Variants in TUBA1C observed in about 807,000 individuals in gnomAD.
TUBA1C encodes tubulin alpha 1c.
Under a neutral mutation model 34.9 loss-of-function variants are expected in TUBA1C, and 16 were observed. The observed-to-expected ratio is 0.46, with a 90% CI of 0.31 to 0.70. The LOEUF (loss-of-function observed/expected upper bound fraction) is 0.70, where lower values mean the gene tolerates loss of function less well. Ranked by LOEUF, TUBA1C falls within the 30% of genes least tolerant of loss-of-function variation. The pLI, the probability that TUBA1C is intolerant of heterozygous loss-of-function variation, is 0.05. For missense variants in TUBA1C, 329 were observed against 587.3 expected (o/e 0.56, Z 4.55); for synonymous variants, 177 against 215.9 (o/e 0.82, Z 1.58).
intron 1 of TUBA1C, among the ~76,000 whole-genome samples, chr12:49,250,013 C>T (rs1217801233): frequency 6.6e-6 from 1 of 150,738 alleles, no homozygotes; most frequent in African/African-American, 2.4e-5. Flanking sequence ...CCTGGCCCAA[C>T]GTGGTGAAAC....
intron 1 of TUBA1C, among the ~76,000 whole-genome samples, chr12:49,248,465 G>A (rs570031560): frequency 3.3e-5 from 5 of 151,674 alleles, no homozygotes; most frequent in African/African-American, 1.2e-4. Context: ...CTACTCAGGA[G>A]GCTGAGGCAG....
At chr12:49,252,763 A>T (rs1942743780) in intron 1 of TUBA1C, among the ~76,000 whole-genome samples, 1 of 151,990 alleles carries the variant, frequency 6.6e-6, no homozygotes, top group East Asian at 1.9e-4. Context: ...AATACAAAAG[A>T]TTAGCCAGGC....
chr12:49,236,984 C>T (rs1342708759), intron 1 of TUBA1C, among the ~76,000 whole-genome samples: 1 of 152,136 alleles, frequency 6.6e-6, no homozygotes, highest in Non-Finnish European at 1.5e-5. Flanking sequence ...ATAAGGACAT[C>T]CTTTGGTACT....
chr12:49,271,797 A>G (rs1414280782), intron 3 of TUBA1C, among the ~76,000 whole-genome samples: 2 of 152,194 alleles, frequency 1.3e-5, no homozygotes, highest in African/African-American at 2.4e-5. Flanking sequence ...GGCCACAGCA[A>G]GAGAACCAGA....
At chr12:49,268,754 T>G (rs556477992) in intron 1 of TUBA1C, among the ~76,000 whole-genome samples, 6 of 152,340 alleles carry the variant, frequency 3.9e-5, no homozygotes, top group African/African-American at 1.4e-4. Flanking sequence ...TGGCTATAGT[T>G]TGCTGGTTTA....
chr12:49,252,781 C>T (rs918918381), intron 1 of TUBA1C, among the ~76,000 whole-genome samples: 1 of 152,078 alleles, frequency 6.6e-6, no homozygotes, highest in African/African-American at 2.4e-5. Context: ...GGCATGGTGG[C>T]GGGCGCCTGT....
Position 49,269,590 on chromosome 12 carries a change from GGGA to G in TUBA1C, c.134_136del (p.Gly45del). On this transcript the variant is annotated inframe_deletion, in exon 2 of 4. Coordinates refer to ENST00000301072, the MANE Select transcript of TUBA1C (RefSeq NM_032704.5). ...AGATGCCAAGTGACAAGACCATTGG[GGGA>G]GGAGATGATTCCTTCAACACCTTCT... is the stretch of plus-strand genomic sequence containing the variant. 1.9e-6 allele frequency: 3 copies of G among 1,614,210 alleles called. No individual in the cohort carries two copies. Among genetic ancestry groups the G allele is most frequent in the South Asian group, 2.2e-5 (2 of 91,080 alleles).
chr12:49,260,252 G>A (rs1942828795), upstream of TUBA1C, among the ~76,000 whole-genome samples: 1 of 152,196 alleles, frequency 6.6e-6, no homozygotes, highest in Non-Finnish European at 1.5e-5. Context: ...AAGAGCTTGA[G>A]TAAGAAGTCT....
intron 1 of TUBA1C, chr12:49,232,913 G>T (rs1404309557): frequency 6.6e-6 from 1 of 152,152 alleles, no homozygotes; most frequent in Non-Finnish European, 1.5e-5. Flanking sequence ...AAAATAGTTT[G>T]ACCCTGCATT....
At chr12:49,255,400 T>TA (rs1418702263) in intron 1 of TUBA1C, among the ~76,000 whole-genome samples, 2,046 of 142,380 alleles carry the variant, frequency 0.014, 43 homozygotes, top group African/African-American at 0.049. Flanking sequence ...AACTTATCTT[T>TA]AAAAAATATA....
upstream of TUBA1C, among the ~76,000 whole-genome samples, chr12:49,262,457 C>T (rs1308536356): frequency 7.7e-6 from 1 of 129,584 alleles, no homozygotes; most frequent in Non-Finnish European, 1.6e-5. Flanking sequence ...AGGCTGATCA[C>T]TGAACCGTGT....
intron 1 of TUBA1C, among the ~76,000 whole-genome samples, chr12:49,232,334 C>A (rs1451793711): frequency 1.3e-5 from 2 of 152,112 alleles, no homozygotes; most frequent in Non-Finnish European, 2.9e-5. Flanking sequence ...CCCACAGAAC[C>A]CATTTTCTGT....
chr12:49,232,198 G>C (rs1281688358), intron 1 of TUBA1C, among the ~76,000 whole-genome samples: 1 of 152,164 alleles, frequency 6.6e-6, no homozygotes, highest in Non-Finnish European at 1.5e-5. Context: ...TGTCTGAAAG[G>C]GCCTGAGGAT....
At chr12:49,228,356 A>C (rs1329428625) in intron 1 of TUBA1C, among the ~76,000 whole-genome samples, 2 of 152,196 alleles carry the variant, frequency 1.3e-5, no homozygotes, top group African/African-American at 4.8e-5. Context: ...TTATTGGAAT[A>C]TTGAAATTTC....
At chr12:49,249,585 C>CAAA (rs1942712051) in intron 1 of TUBA1C, among the ~76,000 whole-genome samples, 1 of 152,120 alleles carries the variant, frequency 6.6e-6, no homozygotes, top group African/African-American at 2.4e-5. Context: ...AATGACTGGT[C>CAAA]GTGGTGGCTC....
intron 1 of TUBA1C, among the ~76,000 whole-genome samples, chr12:49,252,747 T>C (rs554821308): frequency 4.7e-4 from 72 of 152,026 alleles, no homozygotes; most frequent in Admixed American, 1.3e-3. Context: ...CCGTCTCTAC[T>C]GAAAAAATAC....
intron 1 of TUBA1C, among the ~76,000 whole-genome samples, chr12:49,249,692 C>T (rs1942713115): frequency 6.6e-6 from 1 of 151,514 alleles, no homozygotes; most frequent in Non-Finnish European, 1.5e-5. Flanking sequence ...AACACCGTCT[C>T]TTCCAAATAA....
chr12:49,263,609 T>G (rs1199051343), upstream of TUBA1C, among the ~76,000 whole-genome samples: 4 of 152,266 alleles, frequency 2.6e-5, no homozygotes, highest in East Asian at 7.8e-4. Context: ...CTTACAGGCA[T>G]GAGCCACCGT....
chr12:49,267,264 C>G (rs546772135), intron 1 of TUBA1C, among the ~76,000 whole-genome samples: 1 of 152,336 alleles, frequency 6.6e-6, no homozygotes, highest in South Asian at 2.1e-4. Context: ...ATGAGTGGAT[C>G]TTCTCAGATA....
Sources: gnomAD v4.1 joint callset for allele counts (sites outside exome capture counted in the v4.1 genomes callset) on GRCh38, gnomAD v4.1.1 for gene constraint, MANE v1.5 for transcripts, NCBI Gene and HGNC (gene_info 2026-07-23, HGNC 2026-07-21) for gene names.